Variants in TASP1 observed in about 807,000 individuals in gnomAD.
TASP1 encodes the protein taspase 1.
A neutral mutation model predicts 56.6 loss-of-function variants in TASP1; 16 were observed. That is an observed-to-expected ratio of 0.28 (90% CI 0.19 to 0.43). TASP1 has a LOEUF of 0.43. Among genes scored for constraint, TASP1 ranks in the 20% least tolerant of loss-of-function variants. The pLI, the probability that TASP1 is intolerant of heterozygous loss-of-function variation, is 1.00. For synonymous variants in TASP1, 179 were observed against 184.2 expected, an observed-to-expected ratio of 0.97 and a Z score of 0.23; for missense variants, 393 against 511.6, an observed-to-expected ratio of 0.77 and a Z score of 2.24.
the TASP1 span, among the ~76,000 whole-genome samples, chr20:13,183,458 T>C: frequency 8.3e-4 from 126 of 152,328 alleles, no homozygotes; most frequent in African/African-American, 2.9e-3. Context: ...AATAAGTCTC[T>C]AGTCAAAATT....
chr20:13,142,543 T>C, the TASP1 span, among the ~76,000 whole-genome samples: 1 of 152,344 alleles, frequency 6.6e-6, no homozygotes, highest in East Asian at 1.9e-4. Context: ...TGTGTGGGTC[T>C]GGGCTAGAGA....
At chr20:13,268,150 T>TCTTCC in the TASP1 span, among the ~76,000 whole-genome samples, 3 of 141,606 alleles carry the variant, frequency 2.1e-5, no homozygotes, top group South Asian at 2.2e-4. Context: ...TCTTCTCTTC[T>TCTTCC]CTTCCCTTCC....
intron 4 of TASP1, among the ~76,000 whole-genome samples, chr20:13,621,932 A>C (rs2048730774): frequency 6.6e-6 from 1 of 152,248 alleles, no homozygotes; most frequent in Admixed American, 6.5e-5. Flanking sequence ...TAGTTAAGTT[A>C]GATGAAGCCC....
chr20:13,310,323 G>T, the TASP1 span, among the ~76,000 whole-genome samples: 1 of 152,190 alleles, frequency 6.6e-6, no homozygotes, highest in Non-Finnish European at 1.5e-5. Context: ...ACACAATGGG[G>T]AAAGGGTGGT....
the TASP1 span, among the ~76,000 whole-genome samples, chr20:13,128,972 G>T: frequency 6.6e-6 from 1 of 151,204 alleles, no homozygotes; most frequent in Non-Finnish European, 1.5e-5. Flanking sequence ...CGCCTCCTGG[G>T]TTCAAGCAAT....
intron 10 of TASP1, among the ~76,000 whole-genome samples, chr20:13,525,815 G>A (rs993772791): frequency 6.6e-6 from 1 of 152,132 alleles, no homozygotes; most frequent in Non-Finnish European, 1.5e-5. Context: ...ACGGACAAGA[G>A]GGACTGGAGA....
chr20:13,270,616 C>G, the TASP1 span: 1 of 1,613,816 alleles, frequency 6.2e-7, no homozygotes, highest in Non-Finnish European at 8.5e-7. Flanking sequence ...TTCCCCAGAC[C>G]GCGATTCCGA....
At chr20:13,295,273 A>ATTCATT in the TASP1 span, among the ~76,000 whole-genome samples, 124 of 152,254 alleles carry the variant, frequency 8.1e-4, no homozygotes, top group East Asian at 7.5e-3. Flanking sequence ...TCGGCTCTGA[A>ATTCATT]TTCATTTTCT....
chr20:13,473,750 T>G (rs528410348), intron 11 of TASP1, among the ~76,000 whole-genome samples: 2 of 152,168 alleles, frequency 1.3e-5, no homozygotes, highest in Non-Finnish European at 2.9e-5. Context: ...TTTGAACTCT[T>G]CAGCCCTTTC....
intron 4 of TASP1, among the ~76,000 whole-genome samples, chr20:13,592,734 T>A (rs1211280004): frequency 6.6e-6 from 1 of 152,160 alleles, no homozygotes; most frequent in African/African-American, 2.4e-5. Flanking sequence ...TATAATTTTT[T>A]TTCTTTTTGT....
the TASP1 span, among the ~76,000 whole-genome samples, chr20:13,376,101 T>G: frequency 1.3e-5 from 2 of 152,210 alleles, no homozygotes. Context: ...TTGTCAATTT[T>G]GGCTTTTGTT....
chr20:13,163,025 C>T, the TASP1 span, among the ~76,000 whole-genome samples: 70 of 152,196 alleles, frequency 4.6e-4, 2 homozygotes, highest in East Asian at 0.013. Flanking sequence ...CAATATATTA[C>T]GTACATTATA....
chr20:13,268,926 C>T, the TASP1 span, among the ~76,000 whole-genome samples: 1 of 152,076 alleles, frequency 6.6e-6, no homozygotes, highest in African/African-American at 2.4e-5. Context: ...AAAAATGACA[C>T]ATAAATAAAA....
chr20:13,334,540 TC>T, the TASP1 span, among the ~76,000 whole-genome samples: 1 of 152,202 alleles, frequency 6.6e-6, no homozygotes, highest in African/African-American at 2.4e-5. Context: ...AAATTCTGCT[TC>T]TAGTCTACTA....
chr20:13,474,931 T>C (rs1230182343), intron 11 of TASP1, among the ~76,000 whole-genome samples: 1 of 152,212 alleles, frequency 6.6e-6, no homozygotes, highest in African/African-American at 2.4e-5. Context: ...TATATCTTCT[T>C]TGGAGAAATG....
At chr20:13,189,509 C>A in the TASP1 span, among the ~76,000 whole-genome samples, 1 of 152,124 alleles carries the variant, frequency 6.6e-6, no homozygotes, top group Non-Finnish European at 1.5e-5. Flanking sequence ...ATAGACACTT[C>A]TCAAAAGAAG....
chr20:13,395,916 T>C (rs2041518162), intron 13 of TASP1, among the ~76,000 whole-genome samples: 1 of 151,930 alleles, frequency 6.6e-6, no homozygotes, highest in African/African-American at 2.4e-5. Flanking sequence ...TTAGCCAGGA[T>C]GGTCTCGATC....
chr20:13,232,717 G>A, the TASP1 span, among the ~76,000 whole-genome samples: 15 of 152,208 alleles, frequency 9.9e-5, no homozygotes, highest in East Asian at 2.1e-3. Flanking sequence ...TCTTTTTGGT[G>A]CACTCACATA....
At chr20:13,540,335 T>G (rs1025521266) in intron 8 of TASP1, among the ~76,000 whole-genome samples, 92 of 152,300 alleles carry the variant, frequency 6.0e-4, no homozygotes, top group African/African-American at 2.1e-3. Flanking sequence ...AAATCAAAAT[T>G]TATAAGTTCT....
Sources: gnomAD v4.1 joint callset for allele counts (sites outside exome capture counted in the v4.1 genomes callset) on GRCh38, gnomAD v4.1.1 for gene constraint, MANE v1.5 for transcripts, NCBI Gene and HGNC (gene_info 2026-07-23, HGNC 2026-07-21) for gene names.